The following NRXN1 variants were observed in gnomAD, a reference collection of about 807,000 sequenced individuals.
The protein encoded by NRXN1 is neurexin 1, also known as neurexin-1.
NRXN1 carries 39 observed loss-of-function variants against 150.9 expected under a neutral mutation model. The observed-to-expected ratio is 0.26, with a 90% CI of 0.20 to 0.34. The LOEUF (loss-of-function observed/expected upper bound fraction) is 0.34. Among genes scored for constraint, NRXN1 ranks in the 10% least tolerant of loss-of-function variants. The pLI is 1.00. For missense variants in NRXN1, 1,815 were observed against 1,949.9 expected, an observed-to-expected ratio of 0.93 and a Z score of 1.30; for synonymous variants, 924 against 757.0, an observed-to-expected ratio of 1.22 and a Z score of -3.62.
chr2:49,952,313 C>G (rs2104464650), intron 21 of NRXN1, among the ~76,000 whole-genome samples: 1 of 152,086 alleles, frequency 6.6e-6, no homozygotes, highest in Non-Finnish European at 1.5e-5. Flanking sequence ...AGATAAGTAA[C>G]CACTAAAATT....
chr2:50,073,746 A>T (rs898372640), intron 19 of NRXN1, among the ~76,000 whole-genome samples: 5 of 151,544 alleles, frequency 3.3e-5, no homozygotes, highest in Non-Finnish European at 4.4e-5. Context: ...ATTGAGAATA[A>T]AAAAAAAGCA....
chr2:50,830,816 T>A (rs1460944769), intron 5 of NRXN1, among the ~76,000 whole-genome samples: 1 of 151,818 alleles, frequency 6.6e-6, no homozygotes, highest in Non-Finnish European at 1.5e-5. Context: ...AATCTCAACA[T>A]AAGCATACTC....
chr2:50,018,851 A>G (rs925223980), intron 21 of NRXN1, among the ~76,000 whole-genome samples: 1 of 152,208 alleles, frequency 6.6e-6, no homozygotes, highest in Non-Finnish European at 1.5e-5. Context: ...ATGCAATATA[A>G]CAAGAGAAAT....
intron 17 of NRXN1, among the ~76,000 whole-genome samples, chr2:50,268,032 T>C (rs942524357): frequency 2.6e-5 from 4 of 151,780 alleles, no homozygotes; most frequent in African/African-American, 9.7e-5. Context: ...TCTACCAAAA[T>C]ACAAAAAATC....
Position 50,404,466 on chromosome 2 carries a change from T to C in NRXN1, c.3364+60976A>G, listed in dbSNP as rs1206541213. On this transcript the variant is annotated intron_variant, in intron 17 of 22. Coordinates refer to ENST00000401669, the MANE Select transcript of NRXN1 (RefSeq NM_001330078.2). The stretch of plus-strand genomic sequence containing the variant: ...ACACTCACACAACTCAGTGAAAAGC[T>C]TCTTAGCAGAACTTCATACAATTTA... 4.6e-5 allele frequency among the ~76,000 whole-genome samples: 7 copies of C among 152,190 alleles called. 1 individual carries two copies. In the East Asian group the frequency reaches 1.4e-3, roughly 29 times the overall value.
intron 5 of NRXN1, among the ~76,000 whole-genome samples, chr2:50,888,887 C>T (rs1384270980): frequency 6.6e-6 from 1 of 151,570 alleles, no homozygotes; most frequent in African/African-American, 2.4e-5. Context: ...TTGATAACTA[C>T]CTGTTCAAAG....
At chr2:50,921,348 C>T (rs1233104431) in intron 5 of NRXN1, among the ~76,000 whole-genome samples, 8 of 151,762 alleles carry the variant, frequency 5.3e-5, no homozygotes, top group African/African-American at 2.4e-5. Context: ...AAATGTCTTG[C>T]TCCTCTGTTT....
intron 8 of NRXN1, among the ~76,000 whole-genome samples, chr2:50,576,699 A>G (rs1029842653): frequency 6.6e-6 from 1 of 152,092 alleles, no homozygotes; most frequent in Non-Finnish European, 1.5e-5. Context: ...TGCATTGCCA[A>G]GGCTGAATTT....
intron 5 of NRXN1, among the ~76,000 whole-genome samples, chr2:50,854,047 C>G (rs978170006): frequency 1.3e-5 from 2 of 151,960 alleles, no homozygotes; most frequent in African/African-American, 4.8e-5. Flanking sequence ...TAATCTGAAA[C>G]CTCTTTAAGA....
chr2:50,126,202 A>G (rs1192863613), intron 18 of NRXN1, among the ~76,000 whole-genome samples: 1 of 152,142 alleles, frequency 6.6e-6, no homozygotes, highest in Non-Finnish European at 1.5e-5. Context: ...CATGCAGCGC[A>G]TATTAGAACA....
At chr2:49,968,576 A>G (rs1043573497) in intron 21 of NRXN1, among the ~76,000 whole-genome samples, 1 of 151,970 alleles carries the variant, frequency 6.6e-6, no homozygotes, top group Non-Finnish European at 1.5e-5. Flanking sequence ...GCAGGTATTG[A>G]TATTAAGGGA....
At chr2:50,341,369 T>A (rs1271579597) in intron 17 of NRXN1, among the ~76,000 whole-genome samples, 4 of 151,108 alleles carry the variant, frequency 2.6e-5, no homozygotes, top group Non-Finnish European at 4.4e-5. Context: ...CCCCTACATG[T>A]GCTCTAAAGT....
intron 3 of NRXN1, 78 bp downstream of exon 3, chr2:50,925,859 TA>T: frequency 9.0e-7 from 1 of 1,105,454 alleles, no homozygotes; most frequent in Non-Finnish European, 1.3e-6. Context: ...ACTTACCATC[TA>T]ACTTCAAGAT....
At chr2:50,303,867 C>A (rs1483941946) in intron 17 of NRXN1, among the ~76,000 whole-genome samples, 3 of 152,034 alleles carry the variant, frequency 2.0e-5, no homozygotes, top group Non-Finnish European at 4.4e-5. Flanking sequence ...TTTTTGACCT[C>A]CTCTGTGTAT....
intron 17 of NRXN1, among the ~76,000 whole-genome samples, chr2:50,444,064 C>A (rs2086192755): frequency 6.6e-6 from 1 of 152,158 alleles, no homozygotes; most frequent in Non-Finnish European, 1.5e-5. Flanking sequence ...GGATTTTTCA[C>A]TTCCTCCTTC....
intron 18 of NRXN1, among the ~76,000 whole-genome samples, chr2:50,180,521 G>C (rs919809832): frequency 3.3e-5 from 5 of 152,074 alleles, no homozygotes; most frequent in African/African-American, 1.2e-4. Context: ...TTTAGATAAT[G>C]AGAGCTCTAC....
chr2:50,076,018 C>T (rs944732797), intron 19 of NRXN1, among the ~76,000 whole-genome samples: 1 of 152,196 alleles, frequency 6.6e-6, no homozygotes, highest in Non-Finnish European at 1.5e-5. Context: ...AGCACCCAGC[C>T]CACATTTTAC....
intron 18 of NRXN1, among the ~76,000 whole-genome samples, chr2:50,135,379 C>A (rs1303302872): frequency 2.6e-5 from 4 of 152,176 alleles, no homozygotes; most frequent in Non-Finnish European, 5.9e-5. Flanking sequence ...ATTATTAAGT[C>A]TTTTCTTACA....
intron 5 of NRXN1, among the ~76,000 whole-genome samples, chr2:50,872,398 G>C (rs1383738784): frequency 6.6e-6 from 1 of 151,678 alleles, no homozygotes; most frequent in Non-Finnish European, 1.5e-5. Context: ...AGTACTTGCA[G>C]GAGCTAGGTG....
Sources: gnomAD v4.1 joint callset for allele counts (sites outside exome capture counted in the v4.1 genomes callset) on GRCh38, gnomAD v4.1.1 for gene constraint, MANE v1.5 for transcripts, NCBI Gene and HGNC (gene_info 2026-07-23, HGNC 2026-07-21) for gene names.